Variants in AKAP19 observed in about 807,000 individuals in gnomAD.
AKAP19 encodes the protein small A-kinase anchoring protein.
the AKAP19 span, among the ~76,000 whole-genome samples, chr2:190,144,206 T>G: frequency 1.4e-5 from 2 of 148,070 alleles, no homozygotes; most frequent in Non-Finnish European, 3.0e-5. Flanking sequence ...ATTAATAAAA[T>G]TATAACTTAA....
chr2:190,101,514 C>T, the AKAP19 span, among the ~76,000 whole-genome samples: 28 of 151,896 alleles, frequency 1.8e-4, no homozygotes, highest in Non-Finnish European at 3.2e-4. Flanking sequence ...TCCCACCCTT[C>T]CTGGAGCAGC....
At chr2:189,911,567 A>G in the AKAP19 span, among the ~76,000 whole-genome samples, 2 of 152,170 alleles carry the variant, frequency 1.3e-5, no homozygotes, top group Non-Finnish European at 2.9e-5. Context: ...AATGTTTAAC[A>G]TAGAAATTTG....
the AKAP19 span, among the ~76,000 whole-genome samples, chr2:190,128,957 T>C: frequency 1.3e-5 from 2 of 152,226 alleles, no homozygotes; most frequent in African/African-American, 2.4e-5. Context: ...GTAGCTCTGT[T>C]TATGAACCTG....
the AKAP19 span, among the ~76,000 whole-genome samples, chr2:189,954,012 G>A: frequency 6.6e-6 from 1 of 152,330 alleles, no homozygotes; most frequent in East Asian, 1.9e-4. Context: ...GATGTATGTT[G>A]AGCCAGACAG....
At chr2:190,067,454 G>A in the AKAP19 span, among the ~76,000 whole-genome samples, 11 of 152,018 alleles carry the variant, frequency 7.2e-5, no homozygotes, top group African/African-American at 1.2e-4. Context: ...TACCTGTAGC[G>A]TTGCTTTTAA....
At chr2:190,055,239 A>G in the AKAP19 span, among the ~76,000 whole-genome samples, 1 of 151,146 alleles carries the variant, frequency 6.6e-6, no homozygotes, top group African/African-American at 2.4e-5. Flanking sequence ...CAAAAAAACC[A>G]AACACCACAT....
chr2:190,020,548 A>T, the AKAP19 span, among the ~76,000 whole-genome samples: 2 of 152,208 alleles, frequency 1.3e-5, 1 homozygote, highest in African/African-American at 4.8e-5. Context: ...TACTGAATTG[A>T]GATATCACAT....
the AKAP19 span, among the ~76,000 whole-genome samples, chr2:189,949,620 A>ACTTTTT: frequency 6.7e-6 from 1 of 148,942 alleles, no homozygotes; most frequent in South Asian, 2.1e-4. Flanking sequence ...GTTGTTACCT[A>ACTTTTT]CTTTTTCTTT....
the AKAP19 span, among the ~76,000 whole-genome samples, chr2:189,981,410 T>C: frequency 6.6e-6 from 1 of 152,154 alleles, no homozygotes; most frequent in Non-Finnish European, 1.5e-5. Flanking sequence ...ACATGTGAGA[T>C]GGATCTCTTG....
the AKAP19 span, among the ~76,000 whole-genome samples, chr2:190,111,875 A>G: frequency 2.6e-5 from 4 of 152,000 alleles, no homozygotes; most frequent in East Asian, 3.9e-4. Flanking sequence ...TTTATTCAAC[A>G]TCATGGTTTT....
chr2:190,066,966 T>C, the AKAP19 span, among the ~76,000 whole-genome samples: 3 of 152,312 alleles, frequency 2.0e-5, no homozygotes, highest in South Asian at 2.1e-4. Flanking sequence ...ATATGAAATA[T>C]GAATAAATTT....
chr2:190,094,584 G>A, the AKAP19 span, among the ~76,000 whole-genome samples: 1 of 152,210 alleles, frequency 6.6e-6, no homozygotes, highest in Non-Finnish European at 1.5e-5. Flanking sequence ...TAGATATGCA[G>A]TATTACTTGA....
chr2:189,887,490 C>T, the AKAP19 span, among the ~76,000 whole-genome samples: 3 of 152,168 alleles, frequency 2.0e-5, no homozygotes, highest in Non-Finnish European at 4.4e-5. Flanking sequence ...TGGGTGTATA[C>T]CCAAAGTAAT....
At chr2:189,899,820 A>C in the AKAP19 span, among the ~76,000 whole-genome samples, 1 of 151,328 alleles carries the variant, frequency 6.6e-6, no homozygotes, top group Non-Finnish European at 1.5e-5. Context: ...TTTACCTACT[A>C]TTTAGTTTTT....
chr2:190,081,052 A>T, the AKAP19 span, among the ~76,000 whole-genome samples: 1 of 152,202 alleles, frequency 6.6e-6, no homozygotes, highest in Admixed American at 6.5e-5. Flanking sequence ...AAATATACTT[A>T]AAAAACATAT....
chr2:189,952,824 T>C, the AKAP19 span, among the ~76,000 whole-genome samples: 5 of 152,250 alleles, frequency 3.3e-5, no homozygotes, highest in Non-Finnish European at 1.5e-5. Flanking sequence ...ATTTTGGCTA[T>C]TTAATGAATT....
At chr2:190,099,799 C>T in the AKAP19 span, among the ~76,000 whole-genome samples, 1 of 152,182 alleles carries the variant, frequency 6.6e-6, no homozygotes, top group Non-Finnish European at 1.5e-5. Context: ...TTTTCTCAGA[C>T]TTACCATGAT....
chr2:190,146,170 A>G, the AKAP19 span, among the ~76,000 whole-genome samples: 1 of 152,000 alleles, frequency 6.6e-6, no homozygotes, highest in Admixed American at 6.6e-5. Context: ...ATCTTCCCCC[A>G]GGTCCCCAAA....
the AKAP19 span, among the ~76,000 whole-genome samples, chr2:189,886,635 C>CA: frequency 6.6e-6 from 1 of 152,178 alleles, no homozygotes; most frequent in Admixed American, 6.5e-5. Flanking sequence ...AACGTCATAT[C>CA]AGCAAGGTGA....
Sources: allele counts gnomAD v4.1 joint callset (sites outside exome capture counted in the v4.1 genomes callset), GRCh38; gene constraint gnomAD v4.1.1; transcripts MANE v1.5; gene names NCBI Gene and HGNC (gene_info 2026-07-23, HGNC 2026-07-21).